The following ATXN7 variants were observed in gnomAD, a reference collection of about 807,000 sequenced individuals.
ATXN7 encodes ataxin-7.
Under a neutral mutation model 70.5 loss-of-function variants are expected in ATXN7, and 12 were observed. The ratio of observed to expected loss-of-function variants is 0.17; its 90% CI spans 0.11 to 0.28. The LOEUF (loss-of-function observed/expected upper bound fraction) is 0.28. Among genes scored for constraint, ATXN7 ranks in the 10% least tolerant of loss-of-function variants. ATXN7 has a pLI of 1.00. For missense variants in ATXN7, 1,256 were observed against 1,131.7 expected (o/e 1.11, Z -1.58); for synonymous variants, 498 against 448.7 (o/e 1.11, Z -1.39).
chr3:63,888,622 C>T (rs958374824), intron 1 of ATXN7, among the ~76,000 whole-genome samples: 6 of 151,974 alleles, frequency 3.9e-5, no homozygotes, highest in African/African-American at 1.5e-4. Flanking sequence ...ACTAAAAATA[C>T]AAAAATAGCT....
chr3:63,873,643 A>G (rs1355244508), intron 1 of ATXN7: 1 of 152,190 alleles, frequency 6.6e-6, no homozygotes, highest in Non-Finnish European at 1.5e-5. Flanking sequence ...TATCACATAT[A>G]AGCGACACCA....
chr3:64,002,138 A>G lies in ATXN7; in HGVS notation c.*2671A>G, dbSNP rs1336902666. ...TTTCAGAAGACATATTTTGTTAAAA[A>G]TGAATTGTACATATTTAAATATGTA... On this transcript the variant is annotated 3_prime_UTR_variant, in exon 13 of 13. Coordinates refer to ENST00000674280, the MANE Select transcript of ATXN7 (RefSeq NM_001377405.1). The G allele has an allele frequency of 6.6e-5, 10 of 152,618 alleles. No homozygotes were observed. Among genetic ancestry groups the G allele is most frequent in the Non-Finnish European group, 1.3e-4 (9 of 68,036 alleles). 9.5% of individuals were successfully genotyped at this position (152,618 alleles called of 1,614,324 possible). A position where few individuals can be genotyped will look rare whatever the true frequency, so the allele number is the denominator to read the frequency against.
intron 1 of ATXN7, among the ~76,000 whole-genome samples, chr3:63,881,914 T>A (rs1269601290): frequency 6.6e-6 from 1 of 151,962 alleles, no homozygotes; most frequent in East Asian, 1.9e-4. Context: ...CTGTGGGGAG[T>A]CCTTGATGGA....
intron 12 of ATXN7, chr3:63,997,685 A>G: frequency 1.3e-6 from 2 of 1,551,996 alleles, no homozygotes; most frequent in Non-Finnish European, 1.7e-6. Flanking sequence ...CCTGACTTAA[A>G]ATGTGAGGCT....
chr3:63,947,077 T>C (rs2074876134), intron 4 of ATXN7, among the ~76,000 whole-genome samples: 1 of 152,178 alleles, frequency 6.6e-6, no homozygotes, highest in Non-Finnish European at 1.5e-5. Flanking sequence ...TTGGGTGTGC[T>C]ATATACTAGT....
chr3:63,942,252 T>C (rs2074781536), intron 4 of ATXN7, among the ~76,000 whole-genome samples: 1 of 152,210 alleles, frequency 6.6e-6, no homozygotes, highest in Admixed American at 6.5e-5. Context: ...GAGCATGTAC[T>C]TTGGAGTAGC....
chr3:63,935,547 C>G (rs1020011213), intron 4 of ATXN7, among the ~76,000 whole-genome samples: 1 of 152,092 alleles, frequency 6.6e-6, no homozygotes, highest in Non-Finnish European at 1.5e-5. Flanking sequence ...ATTGGAAGCT[C>G]CTTATGGGCA....
intron 4 of ATXN7, among the ~76,000 whole-genome samples, chr3:63,935,149 C>T (rs1229451029): frequency 6.6e-6 from 1 of 152,064 alleles, no homozygotes; most frequent in Admixed American, 6.5e-5. Context: ...AATGTTGATG[C>T]TGCTGCTCTT....
chr3:63,919,494 C>T (rs1461389523), intron 4 of ATXN7, among the ~76,000 whole-genome samples: 1 of 152,100 alleles, frequency 6.6e-6, no homozygotes. Context: ...ACCAAGAGTT[C>T]ATTCAATATT....
intron 12 of ATXN7, chr3:63,999,215 AC>A (rs763890081): frequency 4.3e-6 from 2 of 461,822 alleles, no homozygotes; most frequent in Non-Finnish European, 7.8e-6. Context: ...CAGGCCTGCA[AC>A]TCTTCTAGCC....
intron 4 of ATXN7, among the ~76,000 whole-genome samples, chr3:63,938,530 T>C (rs1292686902): frequency 1.3e-5 from 2 of 152,136 alleles, no homozygotes; most frequent in African/African-American, 4.8e-5. Context: ...GCTGTACACA[T>C]GGGTTTTATG....
chr3:63,933,629 GA>G (rs1179858764), intron 4 of ATXN7, among the ~76,000 whole-genome samples: 4 of 152,212 alleles, frequency 2.6e-5, no homozygotes, highest in Admixed American at 2.0e-4. Context: ...TTTTGGGGTT[GA>G]ACAGGAAACA....
At chr3:63,984,394 T>G (rs947244762) in intron 8 of ATXN7, among the ~76,000 whole-genome samples, 2 of 151,904 alleles carry the variant, frequency 1.3e-5, no homozygotes, top group African/African-American at 4.8e-5. Context: ...GGACACACAG[T>G]GGTGTAGTGG....
intron 5 of ATXN7, among the ~76,000 whole-genome samples, chr3:63,969,368 G>A (rs996201904): frequency 3.9e-5 from 6 of 152,148 alleles, no homozygotes. Context: ...GCACTTTTCA[G>A]CAGATAGTTT....
At chr3:63,940,984 C>T (rs1454660879) in intron 4 of ATXN7, among the ~76,000 whole-genome samples, 5 of 152,106 alleles carry the variant, frequency 3.3e-5, no homozygotes, top group African/African-American at 7.2e-5. Context: ...ACAAACCTGT[C>T]GTGTGTACTG....
chr3:63,885,793 A>C (rs889552113), intron 1 of ATXN7, among the ~76,000 whole-genome samples: 13 of 152,134 alleles, frequency 8.5e-5, no homozygotes, highest in African/African-American at 3.1e-4. Context: ...AAGGTAGGTG[A>C]ATCATTTGAG....
At chr3:63,949,766 G>T (rs2074924543) in intron 4 of ATXN7, among the ~76,000 whole-genome samples, 1 of 152,040 alleles carries the variant, frequency 6.6e-6, no homozygotes, top group African/African-American at 2.4e-5. Context: ...CCACAGAGGG[G>T]GTGTGTGTGT....
chr3:63,997,707 T>C (rs1453999916), intron 12 of ATXN7: 9 of 1,547,462 alleles, frequency 5.8e-6, no homozygotes, highest in Non-Finnish European at 7.9e-6. Flanking sequence ...TTTTTCATGA[T>C]TTTTTTTCCC....
chr3:63,934,366 G>A (rs985168041), intron 4 of ATXN7, among the ~76,000 whole-genome samples: 6 of 152,136 alleles, frequency 3.9e-5, no homozygotes, highest in African/African-American at 1.4e-4. Flanking sequence ...GTTCTTGGGG[G>A]CAGGGGATGT....
Sources: allele counts gnomAD v4.1 joint callset (sites outside exome capture counted in the v4.1 genomes callset), GRCh38; gene constraint gnomAD v4.1.1; transcripts MANE v1.5; gene names NCBI Gene and HGNC (gene_info 2026-07-23, HGNC 2026-07-21).